Variants in ABLIM1 observed in about 807,000 individuals in gnomAD.
ABLIM1 encodes actin binding LIM protein 1, also known as actin-binding LIM protein 1.
Under a neutral mutation model 107.0 loss-of-function variants are expected in ABLIM1, and 40 were observed. The ratio of observed to expected loss-of-function variants is 0.37; its 90% CI spans 0.29 to 0.49. The LOEUF is 0.49. Among genes scored for constraint, ABLIM1 ranks in the 20% least tolerant of loss-of-function variants. ABLIM1 has a pLI of 0.97. For synonymous variants in ABLIM1, 357 were observed against 357.3 expected, an observed-to-expected ratio of 1.00 and a Z score of 0.01; for missense variants, 857 against 1,008.5, an observed-to-expected ratio of 0.85 and a Z score of 2.04.
chr10:114,521,471 T>A (rs578032124), intron 6 of ABLIM1, among the ~76,000 whole-genome samples: 1 of 152,364 alleles, frequency 6.6e-6, no homozygotes, highest in East Asian at 1.9e-4. Flanking sequence ...AAGAGCTTAG[T>A]ATGCAGAGCT....
intron 6 of ABLIM1, among the ~76,000 whole-genome samples, chr10:114,541,656 C>T (rs140053737): frequency 1.1e-3 from 168 of 152,326 alleles, no homozygotes; most frequent in African/African-American, 3.9e-3. Flanking sequence ...TACTCCCAGA[C>T]GCCTCAACTC....
intron 1 of ABLIM1, among the ~76,000 whole-genome samples, chr10:114,762,178 G>A (rs549354740): frequency 2.0e-5 from 3 of 152,082 alleles, no homozygotes; most frequent in Admixed American, 6.6e-5. Context: ...GACTACAGGC[G>A]CCCGCCACCA....
intron 1 of ABLIM1, among the ~76,000 whole-genome samples, chr10:114,741,971 G>A (rs185794808): frequency 6.6e-6 from 1 of 152,310 alleles, no homozygotes; most frequent in African/African-American, 2.4e-5. Flanking sequence ...GAGACGTGGA[G>A]AGCTGTTTAA....
intron 1 of ABLIM1, among the ~76,000 whole-genome samples, chr10:114,760,579 G>A (rs1186231600): frequency 6.6e-6 from 1 of 152,084 alleles, no homozygotes; most frequent in Non-Finnish European, 1.5e-5. Context: ...AAATAATGGA[G>A]ATAAAATAAT....
chr10:114,638,630 C>CACACAT (rs1448044016), intron 1 of ABLIM1, among the ~76,000 whole-genome samples: 12 of 25,980 alleles, frequency 4.6e-4, no homozygotes, highest in African/African-American at 2.3e-3. Flanking sequence ...CCTACACACA[C>CACACAT]ACACACACAC....
At chr10:114,469,308 C>T (rs900565823) in intron 10 of ABLIM1, among the ~76,000 whole-genome samples, 1 of 152,190 alleles carries the variant, frequency 6.6e-6, no homozygotes, top group Non-Finnish European at 1.5e-5. Flanking sequence ...GGCATCCTGC[C>T]TTGGCTGCAT....
intron 1 of ABLIM1, among the ~76,000 whole-genome samples, chr10:114,651,493 A>G (rs1402589685): frequency 1.3e-5 from 2 of 152,184 alleles, no homozygotes; most frequent in Non-Finnish European, 2.9e-5. Context: ...ACATACAAAG[A>G]GAGGCCCAAC....
intron 1 of ABLIM1, among the ~76,000 whole-genome samples, chr10:114,704,601 C>T (rs1304652552): frequency 1.4e-5 from 2 of 143,220 alleles, no homozygotes; most frequent in East Asian, 2.1e-4. Context: ...TAAAGTGATT[C>T]GCAGCCAAAG....
chr10:114,483,050 T>C (rs1036144821), intron 8 of ABLIM1, among the ~76,000 whole-genome samples: 3 of 152,252 alleles, frequency 2.0e-5, no homozygotes, highest in Non-Finnish European at 2.9e-5. Context: ...GCTGTTCCTC[T>C]GGATTCATGT....
At chr10:114,493,126 C>T (rs2059227158) in intron 6 of ABLIM1, among the ~76,000 whole-genome samples, 1 of 152,088 alleles carries the variant, frequency 6.6e-6, no homozygotes, top group Admixed American at 6.5e-5. Flanking sequence ...CGAGAGAAGG[C>T]GGGAAATATC....
At chr10:114,522,070 G>A (rs2063828008) in intron 6 of ABLIM1, among the ~76,000 whole-genome samples, 1 of 152,176 alleles carries the variant, frequency 6.6e-6, no homozygotes, top group Non-Finnish European at 1.5e-5. Flanking sequence ...CCCAGAGATG[G>A]ACAGTGTCTG....
At chr10:114,462,539 A>G (rs1328714428) in intron 12 of ABLIM1, among the ~76,000 whole-genome samples, 1 of 152,166 alleles carries the variant, frequency 6.6e-6, no homozygotes, top group Non-Finnish European at 1.5e-5. Context: ...CTGCTCTGAG[A>G]GTCGGCTCAA....
intron 8 of ABLIM1, among the ~76,000 whole-genome samples, chr10:114,481,870 C>T (rs189134382): frequency 2.6e-5 from 4 of 152,354 alleles, no homozygotes; most frequent in Admixed American, 1.3e-4. Context: ...ACACCACTAA[C>T]ATTACTTGCT....
At chr10:114,720,643 T>A (rs2081821832) in intron 1 of ABLIM1, among the ~76,000 whole-genome samples, 2 of 152,116 alleles carry the variant, frequency 1.3e-5, no homozygotes, top group African/African-American at 4.8e-5. Flanking sequence ...CAGTATCCTT[T>A]GAATCATAAT....
At chr10:114,768,026 G>A (rs1393007488) in intron 1 of ABLIM1, 2 of 428,772 alleles carry the variant, frequency 4.7e-6, no homozygotes, top group Admixed American at 2.5e-5. Flanking sequence ...GGCCCGCCGG[G>A]GTCAGTGGAC....
chr10:114,729,891 CA>C (rs2082038114), intron 1 of ABLIM1, among the ~76,000 whole-genome samples: 1 of 152,092 alleles, frequency 6.6e-6, no homozygotes, highest in South Asian at 2.1e-4. Flanking sequence ...GTTTTGAGAA[CA>C]GGGGCATTAT....
At chr10:114,632,239 C>T in intron 1 of ABLIM1, 2 of 985,420 alleles carry the variant, frequency 2.0e-6, no homozygotes, top group Non-Finnish European at 2.4e-6. Context: ...TTCTACTGTC[C>T]TAATCTCTGG....
chr10:114,709,637 G>A (rs977951121), intron 1 of ABLIM1, among the ~76,000 whole-genome samples: 2 of 152,100 alleles, frequency 1.3e-5, no homozygotes, highest in Non-Finnish European at 2.9e-5. Context: ...GAGGAAAGGC[G>A]AAAGGTTCTT....
intron 5 of ABLIM1, among the ~76,000 whole-genome samples, chr10:114,546,083 C>G (rs1051792047): frequency 2.0e-5 from 3 of 152,052 alleles, no homozygotes; most frequent in Non-Finnish European, 2.9e-5. Flanking sequence ...CCTCCGGAGC[C>G]CAGGGCCGCC....
Sources: allele counts gnomAD v4.1 joint callset (sites outside exome capture counted in the v4.1 genomes callset), GRCh38; gene constraint gnomAD v4.1.1; transcripts MANE v1.5; gene names NCBI Gene and HGNC (gene_info 2026-07-23, HGNC 2026-07-21).